The following TEAD1 variants were observed in gnomAD, a reference collection of about 807,000 sequenced individuals.
The protein encoded by TEAD1 is transcriptional enhancer factor TEF-1.
A neutral mutation model predicts 54.9 loss-of-function variants in TEAD1; 9 were observed. That is an observed-to-expected ratio of 0.16 (90% CI 0.10 to 0.29). The LOEUF (loss-of-function observed/expected upper bound fraction) is 0.29. Ranked by LOEUF, TEAD1 falls within the 10% of genes least tolerant of loss-of-function variation. TEAD1 has a pLI of 1.00. For missense variants in TEAD1, 387 were observed against 535.9 expected (o/e 0.72, Z 2.74); for synonymous variants, 200 against 187.8 (o/e 1.07, Z -0.53).
At chr11:12,812,396 G>GTACTTA (rs1486429663) in intron 3 of TEAD1, among the ~76,000 whole-genome samples, 2 of 152,118 alleles carry the variant, frequency 1.3e-5, no homozygotes, top group East Asian at 3.9e-4. Context: ...GGTTAAAAGA[G>GTACTTA]TACTTAACTA....
At chr11:12,872,942 T>A (rs1947783725) in intron 5 of TEAD1, among the ~76,000 whole-genome samples, 1 of 152,184 alleles carries the variant, frequency 6.6e-6, no homozygotes. Context: ...GTTTTTATCT[T>A]TGATTTATAA....
chr11:12,850,655 A>G (rs1282873134), intron 3 of TEAD1, among the ~76,000 whole-genome samples: 1 of 152,200 alleles, frequency 6.6e-6, no homozygotes, highest in East Asian at 1.9e-4. Flanking sequence ...CCTTTGAGTC[A>G]AAAAACCAGA....
intron 3 of TEAD1, among the ~76,000 whole-genome samples, chr11:12,778,971 A>G (rs573528699): frequency 1.3e-5 from 2 of 152,308 alleles, no homozygotes; most frequent in Admixed American, 6.5e-5. Flanking sequence ...TACACCTGAG[A>G]TGTTGTGAAC....
At chr11:12,870,180 G>A (rs1254647321) in intron 5 of TEAD1, among the ~76,000 whole-genome samples, 3 of 151,948 alleles carry the variant, frequency 2.0e-5, no homozygotes, top group Admixed American at 1.3e-4. Flanking sequence ...GCGCCCAGCC[G>A]ATTTTTGCCC....
intron 2 of TEAD1, among the ~76,000 whole-genome samples, chr11:12,712,430 G>A (rs570598792): frequency 6.6e-5 from 10 of 152,272 alleles, no homozygotes; most frequent in East Asian, 3.9e-4. Flanking sequence ...CATGATGACC[G>A]CCATCCCAGC....
chr11:12,859,824 G>C (rs1947462677), intron 3 of TEAD1, among the ~76,000 whole-genome samples: 1 of 152,144 alleles, frequency 6.6e-6, no homozygotes, highest in South Asian at 2.1e-4. Flanking sequence ...TGGAAACAGG[G>C]GTAGGGACAT....
At chr11:12,875,046 A>T (rs1947827818) in intron 5 of TEAD1, among the ~76,000 whole-genome samples, 1 of 152,198 alleles carries the variant, frequency 6.6e-6, no homozygotes, top group Admixed American at 6.5e-5. Context: ...GTAACCTAAG[A>T]CTTCACAGAG....
At chr11:12,919,061 T>A (rs1418359024) in intron 10 of TEAD1, among the ~76,000 whole-genome samples, 9 of 152,190 alleles carry the variant, frequency 5.9e-5, no homozygotes. Context: ...TGATGAAAAT[T>A]AATCAAGCTG....
At chr11:12,864,690 C>G (rs2134070990) in intron 4 of TEAD1, 148 bp from the exon 5 acceptor site, 1 of 1,539,740 alleles carries the variant, frequency 6.5e-7, no homozygotes, top group Non-Finnish European at 8.7e-7. Flanking sequence ...ATGTAGGTGT[C>G]TAGTCATATA....
intron 3 of TEAD1, among the ~76,000 whole-genome samples, chr11:12,860,417 C>A (rs973962571): frequency 6.6e-6 from 1 of 152,184 alleles, no homozygotes; most frequent in Non-Finnish European, 1.5e-5. Flanking sequence ...CCAGTGATGA[C>A]CATGTCCTGC....
At chr11:12,879,502 T>C (rs2134094192) in intron 5 of TEAD1, 2 of 691,284 alleles carry the variant, frequency 2.9e-6, no homozygotes, top group Admixed American at 2.1e-5. Flanking sequence ...CCTTGCCCCA[T>C]TGGGTCTTCC....
rs1432892682 is a variant in TEAD1, at chr11:12,787,169, T to C, written c.202+22735T>C. ...GAAAGCAAGCCTGGGCCCAGGTCTC[T>C]CACCGTATCCTCAGGGGTGGGCCAT... On this transcript the variant is annotated intron_variant, in intron 3 of 12. Coordinates refer to ENST00000527636, the MANE Select transcript of TEAD1 (RefSeq NM_021961.6). Among the ~76,000 whole-genome samples the C allele has an allele frequency of 2.0e-5, 3 of 152,160 alleles. No homozygotes were observed. In the East Asian group the frequency reaches 5.8e-4, roughly 29 times the overall value.
chr11:12,694,586 C>T (rs767646839), intron 2 of TEAD1, among the ~76,000 whole-genome samples: 13 of 152,134 alleles, frequency 8.5e-5, no homozygotes, highest in Non-Finnish European at 1.6e-4. Context: ...ACTTTGTGTA[C>T]GTACCCAAGT....
intron 3 of TEAD1, among the ~76,000 whole-genome samples, chr11:12,779,970 A>T (rs1372308783): frequency 1.3e-5 from 2 of 152,204 alleles, no homozygotes; most frequent in African/African-American, 4.8e-5. Context: ...GTAATAGTAA[A>T]AGACTGAATG....
chr11:12,876,489 C>T (rs1191464419), intron 5 of TEAD1, among the ~76,000 whole-genome samples: 5 of 152,202 alleles, frequency 3.3e-5, no homozygotes, highest in South Asian at 4.2e-4. Flanking sequence ...TGGAACTCTT[C>T]GGGTCTGTGA....
intron 3 of TEAD1, among the ~76,000 whole-genome samples, chr11:12,769,146 G>C (rs572763434): frequency 6.6e-6 from 1 of 152,230 alleles, no homozygotes; most frequent in East Asian, 1.9e-4. Flanking sequence ...GCTTAGGTCA[G>C]CTCCAAGGAA....
chr11:12,768,245 C>T (rs1945246894), intron 3 of TEAD1, among the ~76,000 whole-genome samples: 1 of 152,172 alleles, frequency 6.6e-6, no homozygotes, highest in Non-Finnish European at 1.5e-5. Context: ...TTCTCTGTCT[C>T]AATTTCCTCA....
chr11:12,739,486 T>G (rs939251791), intron 2 of TEAD1, among the ~76,000 whole-genome samples: 3 of 152,194 alleles, frequency 2.0e-5, no homozygotes, highest in Admixed American at 6.5e-5. Flanking sequence ...TTCTACTTTC[T>G]GTGAATTTGA....
chr11:12,898,915 G>A (rs1948369209), intron 9 of TEAD1, among the ~76,000 whole-genome samples: 1 of 152,170 alleles, frequency 6.6e-6, no homozygotes, highest in Non-Finnish European at 1.5e-5. Flanking sequence ...TTGGTATGTG[G>A]TAGATTTTAC....
Sources: gnomAD v4.1 joint callset for allele counts (sites outside exome capture counted in the v4.1 genomes callset) on GRCh38, gnomAD v4.1.1 for gene constraint, MANE v1.5 for transcripts, NCBI Gene and HGNC (gene_info 2026-07-23, HGNC 2026-07-21) for gene names.